PRUNE2: variants seen among roughly 807,000 people sequenced by gnomAD.
PRUNE2 encodes the protein prune homolog 2 with BCH domain.
In PRUNE2, 164 loss-of-function variants were observed where a neutral mutation model predicts 252.0. The observed-to-expected ratio is 0.65, with a 90% CI of 0.57 to 0.74. The LOEUF is 0.74. PRUNE2 is among the 30% of genes least tolerant of loss of function. PRUNE2 has a pLI of 0.00. For missense variants in PRUNE2, 3,495 were observed against 3,711.0 expected, an observed-to-expected ratio of 0.94 and a Z score of 1.51; for synonymous variants, 1,292 against 1,350.2, an observed-to-expected ratio of 0.96 and a Z score of 0.94.
intron 2 of PRUNE2, among the ~76,000 whole-genome samples, chr9:76,853,566 AG>A (rs1279680954): frequency 2.0e-5 from 3 of 152,210 alleles, no homozygotes; most frequent in African/African-American, 7.2e-5. Context: ...TCACTAACTA[AG>A]GATGATCTCG....
chr9:76,744,744 C>A (rs911331417), intron 6 of PRUNE2, among the ~76,000 whole-genome samples: 1 of 152,186 alleles, frequency 6.6e-6, no homozygotes, highest in South Asian at 2.1e-4. Flanking sequence ...GAGAAAGAAG[C>A]CCCGGCCCTT....
chr9:76,704,173 CA>C, intron 8 of PRUNE2, 74 bp from the exon 9 acceptor site: 7 of 912,774 alleles, frequency 7.7e-6, no homozygotes, highest in Non-Finnish European at 1.1e-5. Flanking sequence ...GTGATCCTTG[CA>C]AATGATCATC....
At chr9:76,837,858 G>A (rs187575466) in intron 4 of PRUNE2, among the ~76,000 whole-genome samples, 2 of 149,194 alleles carry the variant, frequency 1.3e-5, no homozygotes, top group South Asian at 2.1e-4. Flanking sequence ...TGCAAGCTCT[G>A]CCTCCTGGGT....
intron 9 of PRUNE2, among the ~76,000 whole-genome samples, chr9:76,660,882 T>C (rs115577409): frequency 0.011 from 1,597 of 150,860 alleles, 37 homozygotes; most frequent in African/African-American, 0.036. Context: ...TCCAATTAGG[T>C]GCAAGAAAAA....
In PRUNE2 at chr9:76,708,323, T is replaced by TGG; in HGVS notation, c.3950_3951insCC (p.Lys1317AsnfsTer29). The TGG allele has an allele frequency of 6.2e-7, 1 of 1,613,830 alleles. No homozygotes were observed. The highest frequency in any genetic ancestry group is 8.5e-7 in the Non-Finnish European group (1 of 1,179,870). ...TTTCACTTTGTCCATCGCCATGACCTTTCCATGGATCTGGGTGTGGAAAAT... is the reference window on the plus strand; with the variant it reads ...TTTCACTTTGTCCATCGCCATGACCTGGTTCCATGGATCTGGGTGTGGAAAAT... On this transcript the variant is annotated frameshift_variant, in exon 8 of 19. Coordinates refer to ENST00000376718, the MANE Select transcript of PRUNE2 (RefSeq NM_015225.3). LOFTEE classifies it high-confidence loss of function.
intron 6 of PRUNE2, among the ~76,000 whole-genome samples, chr9:76,746,432 G>A (rs1400507997): frequency 6.6e-5 from 10 of 152,240 alleles, no homozygotes; most frequent in Admixed American, 5.2e-4. Flanking sequence ...GCGGCCGGGC[G>A]CGGTGGCTCA....
intron 6 of PRUNE2, among the ~76,000 whole-genome samples, chr9:76,743,781 C>T (rs1478193123): frequency 6.6e-6 from 1 of 152,142 alleles, no homozygotes; most frequent in Non-Finnish European, 1.5e-5. Flanking sequence ...GTATATATGT[C>T]TGTATGCAGT....
At chr9:76,888,872 G>A (rs371666911) in intron 1 of PRUNE2, among the ~76,000 whole-genome samples, 1 of 151,728 alleles carries the variant, frequency 6.6e-6, no homozygotes, top group Non-Finnish European at 1.5e-5. Flanking sequence ...AGACGGAGTC[G>A]CGCTCTGTCA....
chr9:76,684,052 T>C (rs1396192853), intron 9 of PRUNE2, among the ~76,000 whole-genome samples: 1 of 151,964 alleles, frequency 6.6e-6, no homozygotes, highest in Non-Finnish European at 1.5e-5. Flanking sequence ...ATTAAGAAAA[T>C]TGACAAATCC....
At chr9:76,780,879 GCTGCAACCTAGGGTGTGC>G (rs2054309472) in intron 6 of PRUNE2, among the ~76,000 whole-genome samples, 1 of 152,106 alleles carries the variant, frequency 6.6e-6, no homozygotes, top group Non-Finnish European at 1.5e-5. Context: ...CGCAGGCTAC[GCTGCAACCTAGGGTGTGC>G]CTGCAACCCT....
chr9:76,801,328 T>C (rs2056537534), intron 6 of PRUNE2, among the ~76,000 whole-genome samples: 1 of 152,224 alleles, frequency 6.6e-6, no homozygotes, highest in Non-Finnish European at 1.5e-5. Context: ...ATTTATACCA[T>C]AGTCTATGTT....
chr9:76,616,009 C>T (rs1829453226), intron 18 of PRUNE2, among the ~76,000 whole-genome samples: 3 of 151,992 alleles, frequency 2.0e-5, no homozygotes, highest in South Asian at 4.2e-4. Context: ...ACCTCGTGAT[C>T]CGCCCACTTC....
intron 9 of PRUNE2, among the ~76,000 whole-genome samples, chr9:76,675,665 C>T (rs1440668052): frequency 8.5e-6 from 1 of 117,042 alleles, no homozygotes; most frequent in Non-Finnish European, 1.8e-5. Context: ...GGAACCAACC[C>T]AAATGTCCAA....
chr9:76,704,009 C>A lies in PRUNE2; in HGVS notation c.7604G>T (p.Arg2535Ile). The A allele has an allele frequency of 6.2e-7, 1 of 1,613,778 alleles. No individual in the cohort carries two copies. The highest frequency in any genetic ancestry group is 1.7e-5 in the Admixed American group (1 of 59,998). ...ACGATCTTCATTCTTCTCTGTACAT[C>A]TTTCTTCCTTGTATTCTGATTTTAT... ...EQIKSEYKEE[R>I]CTEKNEDRHA... Residue 2535 changes from arginine (R) to isoleucine (I), a missense_variant, in exon 9 of 19, where the codon AGA (arginine) becomes ATA (isoleucine). By Grantham distance (97) the Arg-to-Ile change is moderately conservative. Transcript: ENST00000376718.
chr9:76,619,046 C>G (rs1830931267), intron 18 of PRUNE2, among the ~76,000 whole-genome samples: 1 of 152,200 alleles, frequency 6.6e-6, no homozygotes, highest in Admixed American at 6.5e-5. Context: ...AATTGCATTC[C>G]TCTTGCCCAA....
chr9:76,904,531 G>T (rs1413573526), intron 1 of PRUNE2, among the ~76,000 whole-genome samples: 3 of 152,038 alleles, frequency 2.0e-5, no homozygotes, highest in South Asian at 2.1e-4. Flanking sequence ...TTTCATTTTT[G>T]AACATTTCTC....
intron 1 of PRUNE2, chr9:76,862,993 T>C (rs1371933790): frequency 6.6e-6 from 1 of 152,214 alleles, no homozygotes; most frequent in South Asian, 2.1e-4. Flanking sequence ...ATTGAAAAAG[T>C]GAATGTATGA....
At chr9:76,619,932 C>T (rs1339212531) in intron 17 of PRUNE2, among the ~76,000 whole-genome samples, 2 of 152,186 alleles carry the variant, frequency 1.3e-5, no homozygotes, top group African/African-American at 4.8e-5. Flanking sequence ...ATGAATCCTA[C>T]CATTTACCTC....
chr9:76,779,543 A>G (rs994430056), intron 6 of PRUNE2: 1 of 152,190 alleles, frequency 6.6e-6, no homozygotes, highest in Non-Finnish European at 1.5e-5. Context: ...TTAGAATCTC[A>G]TATTTATTCC....
Sources: allele counts gnomAD v4.1 joint callset (sites outside exome capture counted in the v4.1 genomes callset), GRCh38; gene constraint gnomAD v4.1.1; transcripts MANE v1.5; gene names NCBI Gene and HGNC (gene_info 2026-07-23, HGNC 2026-07-21).